DACH2: variants seen among roughly 807,000 people sequenced by gnomAD.
DACH2 encodes the protein dachshund homolog 2.
In DACH2, 17 loss-of-function variants were observed where a neutral mutation model predicts 35.8. The observed-to-expected ratio is 0.48, with a 90% CI of 0.33 to 0.71. DACH2 has a LOEUF of 0.71. Ranked by LOEUF, DACH2 falls within the 30% of genes least tolerant of loss-of-function variation. The pLI is 0.02. For missense variants in DACH2, 469 were observed against 472.7 expected (o/e 0.99, Z 0.07); for synonymous variants, 195 against 177.3 (o/e 1.10, Z -0.79).
intron 3 of DACH2, among the ~76,000 whole-genome samples, chrX:86,569,148 G>A (rs2039331376): frequency 9.0e-6 from 1 of 111,128 alleles, no homozygotes; most frequent in African/African-American, 3.3e-5. Flanking sequence ...TCAAACTCTT[G>A]TCTTCCTTAC....
chrX:86,622,621 T>A (rs570172272), intron 3 of DACH2, among the ~76,000 whole-genome samples: 1 of 111,993 alleles, frequency 8.9e-6, no homozygotes, highest in African/African-American at 3.2e-5. Context: ...GGTCTTTTGA[T>A]GAAAATGCCT....
intron 7 of DACH2, among the ~76,000 whole-genome samples, chrX:86,777,414 A>G (rs866073869): frequency 6.3e-5 from 7 of 110,986 alleles, no homozygotes; most frequent in Non-Finnish European, 1.3e-4. Flanking sequence ...AAATCCCTAG[A>G]GAAGAGGGTT....
intron 7 of DACH2, among the ~76,000 whole-genome samples, chrX:86,812,014 GGATATTCCAT>G (rs2042399027): frequency 9.0e-6 from 1 of 111,370 alleles, no homozygotes; most frequent in African/African-American, 3.3e-5. Flanking sequence ...TTCTGATAAG[GGATATTCCAT>G]GAAATAAAAA....
At chrX:86,194,290 TATA>T (rs2031915328) in intron 1 of DACH2, among the ~76,000 whole-genome samples, 1 of 111,620 alleles carries the variant, frequency 9.0e-6, no homozygotes, top group Non-Finnish European at 1.9e-5. Context: ...TGAAGAAACT[TATA>T]TACTCACTAA....
At chrX:86,247,852 T>C (rs547894544) in intron 1 of DACH2, among the ~76,000 whole-genome samples, 1 of 111,274 alleles carries the variant, frequency 9.0e-6, no homozygotes, top group South Asian at 3.8e-4. Context: ...CATGATCAAG[T>C]AGGCTTTATT....
intron 11 of DACH2, among the ~76,000 whole-genome samples, chrX:86,816,491 TAAAAGCCACAGG>T (rs2042453593): frequency 1.8e-5 from 2 of 112,054 alleles, no homozygotes; most frequent in Admixed American, 1.9e-4. Context: ...TTGCTGTTTG[TAAAAGCCACAGG>T]TACAATCATT....
intron 1 of DACH2, among the ~76,000 whole-genome samples, chrX:86,312,299 A>G (rs989211307): frequency 6.2e-5 from 7 of 112,050 alleles, no homozygotes; most frequent in African/African-American, 2.3e-4. Flanking sequence ...TGTTAACTTT[A>G]TGTAATAGTA....
At chrX:86,603,377 C>G (rs1425800449) in intron 3 of DACH2, among the ~76,000 whole-genome samples, 3 of 110,785 alleles carry the variant, frequency 2.7e-5, no homozygotes, top group Non-Finnish European at 5.7e-5. Flanking sequence ...CTATAACAGT[C>G]TGCCCTTTGC....
At chrX:86,256,998 A>G (rs1408954415) in intron 1 of DACH2, among the ~76,000 whole-genome samples, 1 of 112,134 alleles carries the variant, frequency 8.9e-6, no homozygotes, top group Non-Finnish European at 1.9e-5. Context: ...ACACATCTAC[A>G]TATTTATTTA....
At chrX:86,404,874 T>C (rs921781774) in intron 2 of DACH2, among the ~76,000 whole-genome samples, 5 of 112,337 alleles carry the variant, frequency 4.5e-5, no homozygotes, top group African/African-American at 1.6e-4. Flanking sequence ...TGAAAATCTA[T>C]TTGGAGGATT....
At chrX:86,470,786 A>G (rs2037749811) in intron 2 of DACH2, among the ~76,000 whole-genome samples, 1 of 111,505 alleles carries the variant, frequency 9.0e-6, no homozygotes, top group African/African-American at 3.3e-5. Context: ...CAAATCTGTA[A>G]AAATAAAAGA....
chrX:86,678,175 T>C (rs1425787321), intron 4 of DACH2, among the ~76,000 whole-genome samples: 2 of 112,327 alleles, frequency 1.8e-5, no homozygotes, highest in Non-Finnish European at 3.8e-5. Flanking sequence ...CTTAAAATAA[T>C]ACATTTTTAG....
At chrX:86,150,130 C>T (rs1380440705) in intron 1 of DACH2, among the ~76,000 whole-genome samples, 2 of 111,885 alleles carry the variant, frequency 1.8e-5, no homozygotes, top group Non-Finnish European at 3.8e-5. Flanking sequence ...AAAGTATACT[C>T]AAGATTATCT....
intron 1 of DACH2, among the ~76,000 whole-genome samples, chrX:86,362,185 A>C (rs529402916): frequency 4.5e-5 from 5 of 111,330 alleles, no homozygotes; most frequent in African/African-American, 1.6e-4. Context: ...TAAATATTCA[A>C]ACAAAAAGTC....
At chrX:86,519,063 A>G (rs1450879320) in intron 3 of DACH2, among the ~76,000 whole-genome samples, 1 of 112,115 alleles carries the variant, frequency 8.9e-6, no homozygotes, top group Non-Finnish European at 1.9e-5. Flanking sequence ...ATTTTAAGGT[A>G]TGTTCCTTTA....
chrX:86,601,507 CTAAT>C (rs1454892142), intron 3 of DACH2, among the ~76,000 whole-genome samples: 1 of 111,459 alleles, frequency 9.0e-6, no homozygotes, highest in Non-Finnish European at 1.9e-5. Flanking sequence ...AATGTAGTGG[CTAAT>C]ATGGTAACCA....
intron 2 of DACH2, among the ~76,000 whole-genome samples, chrX:86,417,789 G>C (rs976041123): frequency 9.0e-6 from 1 of 111,011 alleles, no homozygotes; most frequent in Non-Finnish European, 1.9e-5. Flanking sequence ...GTCACCCAAA[G>C]TCTTAACTCA....
Position 86,230,127 on chromosome X carries a change from G to A in DACH2, c.488+81019G>A, listed in dbSNP as rs748462801. On this transcript the variant is annotated intron_variant, in intron 1 of 11. Transcript: ENST00000373125. ...CTTAGATAGCTTTTATTACATTAAG[G>A]TATGTCCCTTGTATGCTGATTTTGC... 2.7e-5 allele frequency among the ~76,000 whole-genome samples: 3 copies of A among 110,761 alleles called. No homozygotes were observed. In the South Asian group the frequency reaches 1.2e-3, roughly 43 times the overall value.
intron 7 of DACH2, among the ~76,000 whole-genome samples, chrX:86,806,590 ACTT>A (rs1479368535): frequency 8.9e-6 from 1 of 112,137 alleles, no homozygotes; most frequent in African/African-American, 3.2e-5. Flanking sequence ...CACCTTATAA[ACTT>A]AGCCTGAAGG....
Sources: allele counts gnomAD v4.1 joint callset (sites outside exome capture counted in the v4.1 genomes callset), GRCh38; gene constraint gnomAD v4.1.1; transcripts MANE v1.5; gene names NCBI Gene and HGNC (gene_info 2026-07-23, HGNC 2026-07-21).